Variants in SORL1-AS1 observed in about 807,000 individuals in gnomAD.
SORL1-AS1 encodes lncRNA 51 A.
At chr11:121,441,634 G>A in the SORL1-AS1 span, among the ~76,000 whole-genome samples, 1 of 152,066 alleles carries the variant, frequency 6.6e-6, no homozygotes, top group Admixed American at 6.5e-5. Context: ...GTGAGCAGAA[G>A]TGATGTGTAT....
At position 121,452,714 on chromosome 11, in the gene SORL1-AS1, C is replaced by A; in HGVS notation, n.300G>T. On this transcript the variant is annotated non_coding_transcript_exon_variant, in exon 1 of 2. Transcript: ENST00000501964. The surrounding 1 kb of genome is among the most constrained non-coding windows in gnomAD (Gnocchi z 5.3). ...GTTGCAGTCGCCTCCTAGGTGCAGG[C>A]ACCACTGGGGACTTCCCGGCTTGCA... The A allele has an allele frequency of 1.8e-6, 2 of 1,133,052 alleles. No homozygotes were observed. The highest frequency in any genetic ancestry group is 2.3e-6 in the Non-Finnish European group (2 of 857,098). The allele number at this position is 1,133,052 out of a possible 1,614,324, so 70.2% of individuals were successfully genotyped here. A position where few individuals can be genotyped will look rare whatever the true frequency, so the allele number is the denominator to read the frequency against.
At chr11:121,440,300 G>A in the SORL1-AS1 span, among the ~76,000 whole-genome samples, 8,008 of 152,234 alleles carry the variant, frequency 0.053, 610 homozygotes, top group African/African-American at 0.17. Context: ...CTTGAACCCC[G>A]GAGGCGGAGG....
chr11:121,452,298 C>A lies in SORL1-AS1; in HGVS notation n.339+377G>T, dbSNP rs377053198. On this transcript the variant is annotated intron_variant and non_coding_transcript_variant, in intron 1 of 1. Coordinates refer to ENST00000501964, the Ensembl canonical transcript of SORL1-AS1. The surrounding 1 kb of genome is among the most constrained non-coding windows in gnomAD (Gnocchi z 5.3). ...CCTCGCGCTGCACATTCTCTCCTGG[C>A]GGCGGCGCCACCTGCAGTAGCGTTC... The A allele has an allele frequency of 1.6e-4, 231 of 1,464,324 alleles. No individual in the cohort carries two copies. Among genetic ancestry groups the A allele is most frequent in the Non-Finnish European group, 2.0e-4 (224 of 1,106,422 alleles). 90.7% of individuals were successfully genotyped at this position (1,464,324 alleles called of 1,614,324 possible). A position where few individuals can be genotyped will look rare whatever the true frequency, so the allele number is the denominator to read the frequency against.
At chr11:121,441,801 G>T in the SORL1-AS1 span, among the ~76,000 whole-genome samples, 1 of 152,152 alleles carries the variant, frequency 6.6e-6, no homozygotes, top group African/African-American at 2.4e-5. Context: ...CTACAGCAGA[G>T]ACACCAGCTA....
chr11:121,444,399 T>C (rs1053282961), downstream of SORL1-AS1, among the ~76,000 whole-genome samples: 3 of 152,252 alleles, frequency 2.0e-5, no homozygotes, highest in African/African-American at 7.2e-5. Flanking sequence ...CCTGCAGATG[T>C]AGGTAATTCA....
chr11:121,439,875 T>A, the SORL1-AS1 span, among the ~76,000 whole-genome samples: 1 of 152,234 alleles, frequency 6.6e-6, no homozygotes, highest in Non-Finnish European at 1.5e-5. Flanking sequence ...TTTTTAAAAA[T>A]CAGTAAGACA....
At chr11:121,440,331 G>C in the SORL1-AS1 span, among the ~76,000 whole-genome samples, 2 of 152,166 alleles carry the variant, frequency 1.3e-5, no homozygotes, top group Admixed American at 1.3e-4. Context: ...CCGAGAGCAT[G>C]CCACTGCCCT....
downstream of SORL1-AS1, among the ~76,000 whole-genome samples, chr11:121,442,824 G>T (rs375176172): frequency 5.9e-4 from 83 of 141,526 alleles, no homozygotes; most frequent in South Asian, 9.1e-4. Context: ...GACTACAGGC[G>T]CCCACCACCA....
chr11:121,450,140 GTC>G lies in SORL1-AS1; in HGVS notation n.340-243_340-242del, dbSNP rs2134753450. Among the ~76,000 whole-genome samples, 1 of 152,330 alleles carries G rather than the reference GTC, an allele frequency of 6.6e-6. No homozygotes were observed. The highest frequency in any genetic ancestry group is 1.9e-4 in the East Asian group (1 of 5,192). On this transcript the variant is annotated intron_variant and non_coding_transcript_variant, in intron 1 of 1. Coordinates refer to ENST00000501964, the Ensembl canonical transcript of SORL1-AS1. This position sits in a 1 kb window ranked among gnomAD's most constrained non-coding sequence, Gnocchi z 5.2. ...TCAAATCCACACTTAGGAGACTCCT[GTC>G]TCTGTTTTCTGCTGGGACTCTGACA...
At chr11:121,442,351 G>A (rs148874597), downstream of SORL1-AS1, among the ~76,000 whole-genome samples, 914 of 152,242 alleles carry the variant, frequency 6.0e-3, 7 homozygotes, top group African/African-American at 0.021. Flanking sequence ...AGACTCAATT[G>A]GGGCTGGGCG....
the SORL1-AS1 span, among the ~76,000 whole-genome samples, chr11:121,440,703 G>T: frequency 6.6e-6 from 1 of 152,144 alleles, no homozygotes; most frequent in African/African-American, 2.4e-5. Context: ...GGAGGAAGGA[G>T]GTCAAGAAGA....
At chr11:121,441,462 C>T in the SORL1-AS1 span, among the ~76,000 whole-genome samples, 20 of 141,660 alleles carry the variant, frequency 1.4e-4, no homozygotes, top group Admixed American at 1.1e-3. Context: ...ACCTGGGATG[C>T]GGAGCTTGCA....
downstream of SORL1-AS1, among the ~76,000 whole-genome samples, chr11:121,444,242 A>G (rs1424979414): frequency 6.6e-6 from 1 of 152,218 alleles, no homozygotes; most frequent in Admixed American, 6.5e-5. Context: ...AAACCCAACA[A>G]TTGCTGAATG....
In SORL1-AS1 at chr11:121,452,388, C is replaced by T. The variant is rs750388479; in HGVS notation, n.339+287G>A. ...GACTCCCGTTCCTATTCACCCTGGT[C>T]GCACTGCTGCCGCCCGGAGCTCTCT... On this transcript the variant is annotated intron_variant and non_coding_transcript_variant, in intron 1 of 1. Coordinates refer to ENST00000501964, the Ensembl canonical transcript of SORL1-AS1. The surrounding 1 kb of genome is among the most constrained non-coding windows in gnomAD (Gnocchi z 5.3). 1 of 1,546,742 alleles carries T rather than the reference C, an allele frequency of 6.5e-7. No homozygotes were observed. Among genetic ancestry groups the T allele is most frequent in the Non-Finnish European group, 8.7e-7 (1 of 1,150,860 alleles).
downstream of SORL1-AS1, among the ~76,000 whole-genome samples, chr11:121,446,645 G>T (rs1284617711): frequency 6.6e-6 from 1 of 152,084 alleles, no homozygotes; most frequent in Non-Finnish European, 1.5e-5. Context: ...CAGCTACTCG[G>T]GAGGCTGAGG....
rs1159446960 is a variant in SORL1-AS1, at chr11:121,452,188, G to A, written n.339+487C>T. 3.4e-6 allele frequency: 1 copy of A among 297,108 alleles called. No homozygotes were observed. Among genetic ancestry groups the A allele is most frequent in the Non-Finnish European group, 5.0e-6 (1 of 201,264 alleles). The allele number at this position is 297,108 out of a possible 1,614,324, so 18.4% of individuals were successfully genotyped here. On this transcript the variant is annotated intron_variant and non_coding_transcript_variant, in intron 1 of 1. Transcript: ENST00000501964. This position sits in a 1 kb window ranked among gnomAD's most constrained non-coding sequence, Gnocchi z 5.3. ...GCGGGACCTGGCGGCAGCGGCGGCG[G>A]GCGCAGCGGGGCGGCCCGGAGCGGC...
the SORL1-AS1 span, among the ~76,000 whole-genome samples, chr11:121,439,356 T>C: frequency 4.6e-5 from 7 of 151,946 alleles, no homozygotes; most frequent in South Asian, 6.2e-4. Context: ...TATGTTCTCA[T>C]TGGCCATGCA....
the SORL1-AS1 span, among the ~76,000 whole-genome samples, chr11:121,441,849 A>G: frequency 6.6e-6 from 1 of 152,148 alleles, no homozygotes; most frequent in Non-Finnish European, 1.5e-5. Context: ...TGTGTAAGCC[A>G]CCATTATTTT....
chr11:121,443,293 T>C (rs1476971940), downstream of SORL1-AS1, among the ~76,000 whole-genome samples: 2 of 152,206 alleles, frequency 1.3e-5, no homozygotes, highest in South Asian at 2.1e-4. Context: ...CCTTGAGGCA[T>C]GAATTCCCGA....
Sources: gnomAD v4.1 joint callset for allele counts (sites outside exome capture counted in the v4.1 genomes callset) on GRCh38, gnomAD v4.1.1 for gene constraint, Gnocchi (gnomAD v3.1) non-coding constraint, MANE v1.5 for transcripts, NCBI Gene and HGNC (gene_info 2026-07-23, HGNC 2026-07-21) for gene names.